The following HPS3 variants were observed in gnomAD, a reference collection of about 807,000 sequenced individuals.
The protein encoded by HPS3 is BLOC-2 complex member HPS3.
HPS3 carries 79 observed loss-of-function variants against 110.9 expected under a neutral mutation model. That is an observed-to-expected ratio of 0.71 (90% CI 0.59 to 0.86). HPS3 has a LOEUF of 0.86. Ranked by LOEUF, HPS3 falls within the 40% of genes least tolerant of loss-of-function variation. The probability of loss-of-function intolerance (pLI) is 0.00; values close to 1 mark genes in which losing one functional copy is unlikely to be tolerated. For missense variants in HPS3, 1,197 were observed against 1,206.2 expected (o/e 0.99, Z 0.11); for synonymous variants, 428 against 451.0 (o/e 0.95, Z 0.65).
chr3:149,130,025 T>G, intron 1 of HPS3, 85 bp downstream of exon 1: 4 of 1,282,568 alleles, frequency 3.1e-6, no homozygotes, highest in Non-Finnish European at 4.3e-6. Context: ...GCTGTAGCTC[T>G]AGCTAGGGAT....
chr3:149,131,050 ATCTC>A (rs1279071470), intron 1 of HPS3, among the ~76,000 whole-genome samples: 1 of 151,256 alleles, frequency 6.6e-6, no homozygotes, highest in East Asian at 1.9e-4. Flanking sequence ...AAGATTGGAG[ATCTC>A]TCTCTAATCC....
At chr3:149,148,021 C>G (rs925588117) in intron 5 of HPS3, among the ~76,000 whole-genome samples, 5 of 151,966 alleles carry the variant, frequency 3.3e-5, no homozygotes, top group African/African-American at 1.2e-4. Flanking sequence ...TAGGCACCTG[C>G]CGCCATGCCC....
intron 10 of HPS3, 41 bp from the exon 11 acceptor site, chr3:149,160,001 GCTGA>G (rs1038934553): frequency 7.1e-6 from 10 of 1,411,184 alleles, no homozygotes; most frequent in Non-Finnish European, 1.0e-5. Context: ...CTTTCTTCTG[GCTGA>G]CTGACCTTTT....
Position 149,167,081 on chromosome 3 carries a change from C to A in HPS3, c.2637C>A (p.Phe879Leu), listed in dbSNP as rs774685745. The A allele has an allele frequency of 6.2e-7, 1 of 1,613,856 alleles. No homozygotes were observed. The highest frequency in any genetic ancestry group is 8.5e-7 in the Non-Finnish European group (1 of 1,179,788). The change falls in exon 15 of 17, where the codon TTC becomes TTA. Residue 879 changes from phenylalanine to leucine, a missense_variant. Coordinates refer to ENST00000296051, the MANE Select transcript of HPS3 (RefSeq NM_032383.5). ...TTGACATAGCTTCCATTATTCCGTT[C>A]TTGGAGCCACTTTCAGAAGACACTA... ...PSFDIASIIP[F>L]LEPLSEDTIA...
chr3:149,138,043 A>G (rs1722221385), intron 1 of HPS3, among the ~76,000 whole-genome samples: 1 of 152,202 alleles, frequency 6.6e-6, no homozygotes, highest in African/African-American at 2.4e-5. Context: ...GGAGGCCTCA[A>G]CTTCATCCCA....
At position 149,140,436 on chromosome 3, in the gene HPS3, A is replaced by G. The variant is rs1722372166; in HGVS notation, c.650A>G (p.Asn217Ser). The change falls in exon 2 of 17, where the codon AAT (asparagine) becomes AGT (serine). Residue 217 changes from asparagine (N) to serine (S), a missense_variant. Asn to Ser is a conservative substitution (Grantham distance 46). Coordinates refer to ENST00000296051, the MANE Select transcript of HPS3 (RefSeq NM_032383.5). ...LIVKLESGPK[N>S]GERVHHHPHK... ...GTAAAACTGGAGTCAGGCCCTAAAAATGGAGAGAGAGTTCACCACCATCCA... is the reference window on the plus strand; with the variant it reads ...GTAAAACTGGAGTCAGGCCCTAAAAGTGGAGAGAGAGTTCACCACCATCCA... 8 of 1,612,822 alleles carry G rather than the reference A, an allele frequency of 5.0e-6. No homozygotes were observed. Among genetic ancestry groups the G allele is most frequent in the Non-Finnish European group, 6.8e-6 (8 of 1,179,558 alleles).
intron 1 of HPS3, among the ~76,000 whole-genome samples, chr3:149,131,082 C>T (rs1017557013): frequency 2.1e-5 from 3 of 143,770 alleles, no homozygotes; most frequent in African/African-American, 7.9e-5. Flanking sequence ...GCAGCTGGTT[C>T]GGTGTGAGTT....
chr3:149,132,703 A>G (rs1721848121), intron 1 of HPS3, among the ~76,000 whole-genome samples: 1 of 152,248 alleles, frequency 6.6e-6, no homozygotes, highest in South Asian at 2.1e-4. Flanking sequence ...TGGTAAGGCT[A>G]TAACTGCCAC....
At chr3:149,132,400 A>G (rs1721833967) in intron 1 of HPS3, among the ~76,000 whole-genome samples, 1 of 152,180 alleles carries the variant, frequency 6.6e-6, no homozygotes, top group Non-Finnish European at 1.5e-5. Context: ...AAATTATGCT[A>G]AATCTACTCT....
intron 13 of HPS3, 21 bp downstream of exon 13, chr3:149,162,899 C>G (rs899693682): frequency 6.3e-7 from 1 of 1,594,142 alleles, no homozygotes; most frequent in Non-Finnish European, 8.6e-7. Flanking sequence ...GGAATAATAC[C>G]TTAAATTTAA....
intron 7 of HPS3, among the ~76,000 whole-genome samples, chr3:149,154,403 A>G (rs1723312633): frequency 6.6e-6 from 1 of 152,230 alleles, no homozygotes; most frequent in Admixed American, 6.5e-5. Context: ...ATCAACAGGA[A>G]TCAGAGGTTG....
At chr3:149,168,507 G>C (rs1451661007) in intron 16 of HPS3, 1 of 158,694 alleles carries the variant, frequency 6.3e-6, no homozygotes, top group Non-Finnish European at 1.4e-5. Flanking sequence ...ACTGCTGTGT[G>C]TTAATATAAT....
At position 149,129,699 on chromosome 3, in the gene HPS3, C is replaced by A. The variant is rs774815815; in HGVS notation, c.-25C>A. On this transcript the variant is annotated 5_prime_UTR_variant, in exon 1 of 17. It adds an upstream start codon to the 5' untranslated region. Coordinates refer to ENST00000296051, the MANE Select transcript of HPS3 (RefSeq NM_032383.5). Reference sequence around the variant, plus strand: ...CCGGGCGCCCTGCAGGGCGGGCAGGCTGTGCCATCCCGCCGGACGTCGGGA... The same window carrying A: ...CCGGGCGCCCTGCAGGGCGGGCAGGATGTGCCATCCCGCCGGACGTCGGGA... 2 of 1,543,804 alleles carry A rather than the reference C, an allele frequency of 1.3e-6. No individual in the cohort carries two copies. The highest frequency in any genetic ancestry group is 2.4e-5 in the South Asian group (2 of 84,794).
intron 9 of HPS3, 126 bp downstream of exon 9, chr3:149,157,657 C>A: frequency 3.5e-6 from 3 of 867,356 alleles, no homozygotes; most frequent in Non-Finnish European, 5.6e-6. Flanking sequence ...CCTTCTTCCA[C>A]AAGCATTTGT....
rs113015797 is a variant in HPS3, at chr3:149,172,318, T to TCACACACACACACACA, written c.*119_*134dup. 2.6e-3 allele frequency: 1,515 copies of TCACACACACACACACA among 571,794 alleles called. 7 individuals carry two copies. Among genetic ancestry groups the TCACACACACACACACA allele is most frequent in the African/African-American group, 0.019 (947 of 49,462 alleles). The allele number at this position is 571,794 out of a possible 1,614,324, so 35.4% of individuals were successfully genotyped here. A position where few individuals can be genotyped will look rare whatever the true frequency, so the allele number is the denominator to read the frequency against. ...GTAGAGGAGTTTTTTATTTTATATA[T>TCACACACACACACACA]CACACACACACACACACACACACAC... On this transcript the variant is annotated 3_prime_UTR_variant, in exon 17 of 17. Transcript: ENST00000296051.
rs73019023 is a variant in HPS3 at position 149,172,350 on chromosome 3, A to T, written c.*128A>T. The T allele has an allele frequency of 2.9e-6, 2 of 697,782 alleles. No homozygotes were observed. Among genetic ancestry groups the T allele is most frequent in the Non-Finnish European group, 5.0e-6 (2 of 401,792 alleles). The allele number at this position is 697,782 out of a possible 1,614,324, so 43.2% of individuals were successfully genotyped here. A position where few individuals can be genotyped will look rare whatever the true frequency, so the allele number is the denominator to read the frequency against. On this transcript the variant is annotated 3_prime_UTR_variant, in exon 17 of 17. Transcript: ENST00000296051. ...CACACACACACACACACACACACAC[A>T]CACACATATATGATACAAATGCTTT...
At chr3:149,141,473 G>T in intron 4 of HPS3, 93 bp downstream of exon 4, 1 of 1,034,948 alleles carries the variant, frequency 9.7e-7, no homozygotes, top group African/African-American at 1.6e-5. Flanking sequence ...AATAGGTTTG[G>T]TGGTTTGGTT....
chr3:149,139,470 C>T (rs919171227), intron 1 of HPS3, among the ~76,000 whole-genome samples: 1 of 152,086 alleles, frequency 6.6e-6, no homozygotes, highest in African/African-American at 2.4e-5. Context: ...TTCCCACAAC[C>T]AATATATGTT....
chr3:149,153,920 T>C lies in HPS3; in HGVS notation c.1400+272T>C, dbSNP rs148767134. On this transcript the variant is annotated intron_variant, in intron 7 of 16. Coordinates refer to ENST00000296051, the MANE Select transcript of HPS3 (RefSeq NM_032383.5). ...ATTAGTTAAAGGCCATGCTTTTCTG[T>C]GTAATTAATGAGAAAGACTGAGCCT... 3.9e-3 allele frequency: 1,766 copies of C among 453,426 alleles called. 32 individuals are homozygous for C. The highest frequency in any genetic ancestry group is 0.031 in the African/African-American group (1,573 of 50,434). 28.1% of individuals were successfully genotyped at this position (453,426 alleles called of 1,614,324 possible).
Sources: allele counts gnomAD v4.1 joint callset (sites outside exome capture counted in the v4.1 genomes callset), GRCh38; gene constraint gnomAD v4.1.1; transcripts MANE v1.5; gene names NCBI Gene and HGNC (gene_info 2026-07-23, HGNC 2026-07-21).